The following PCDHGA7 variants were observed in gnomAD, a reference collection of about 807,000 sequenced individuals.
PCDHGA7 encodes the protein protocadherin gamma-A7.
In PCDHGA7, 44 loss-of-function variants were observed where a neutral mutation model predicts 58.3. The observed-to-expected ratio is 0.75, with a 90% CI of 0.59 to 0.97. PCDHGA7 has a LOEUF of 0.97. Among genes scored for constraint, PCDHGA7 ranks in the 50% least tolerant of loss-of-function variants. The pLI, the probability that PCDHGA7 is intolerant of heterozygous loss-of-function variation, is 0.00. For synonymous variants in PCDHGA7, 516 were observed against 504.2 expected (o/e 1.02, Z -0.31); for missense variants, 1,266 against 1,188.7 (o/e 1.06, Z -0.96).
chr5:141,474,321 A>G (rs75620387), intron 1 of PCDHGA7, among the ~76,000 whole-genome samples: 2,046 of 152,326 alleles, frequency 0.013, 15 homozygotes, highest in Middle Eastern at 0.034. Context: ...GTGTTTTCAA[A>G]TCACCCTGAT....
At position 141,489,562 on chromosome 5, in the gene PCDHGA7, G is replaced by A. The variant is rs770734883; in HGVS notation, c.2425-5245G>A. ...CACCAGCTGCCTGCTGCCAGTGCAG[G>A]TGGTGACTGAACACCCCCTGGAGCT... On this transcript the variant is annotated intron_variant, in intron 1 of 3. Coordinates refer to ENST00000518325, the MANE Select transcript of PCDHGA7 (RefSeq NM_018920.4). The surrounding 1 kb of genome is among the most constrained non-coding windows in gnomAD (Gnocchi z 4.5). 2 of 1,614,114 alleles carry A rather than the reference G, an allele frequency of 1.2e-6. No homozygotes were observed. Among genetic ancestry groups the A allele is most frequent in the Non-Finnish European group, 1.7e-6 (2 of 1,180,028 alleles).
chr5:141,433,582 T>TCCCA (rs758953161), intron 1 of PCDHGA7, among the ~76,000 whole-genome samples: 4 of 151,942 alleles, frequency 2.6e-5, no homozygotes, highest in Non-Finnish European at 5.9e-5. Flanking sequence ...ACGCCTGTAA[T>TCCCA]CCCAGTACTT....
chr5:141,439,012 A>G (rs968054607), intron 1 of PCDHGA7, among the ~76,000 whole-genome samples: 4 of 151,916 alleles, frequency 2.6e-5, no homozygotes, highest in South Asian at 2.1e-4. Context: ...TTTGTTTGTC[A>G]AATTTTGAAA....
intron 1 of PCDHGA7, chr5:141,422,369 G>A (rs890803753): frequency 6.4e-7 from 1 of 1,566,400 alleles, no homozygotes; most frequent in Non-Finnish European, 8.6e-7. Flanking sequence ...GGAGAAAATG[G>A]TCAAGTCTCC....
At chr5:141,422,959 C>A in intron 1 of PCDHGA7, 1 of 1,614,234 alleles carries the variant, frequency 6.2e-7, no homozygotes, top group South Asian at 1.1e-5. Context: ...TGGCGTGGAG[C>A]TGGCGCCCCG....
At chr5:141,441,734 G>GAT in intron 1 of PCDHGA7, 1 of 364,808 alleles carries the variant, frequency 2.7e-6, no homozygotes, top group South Asian at 2.2e-5. Context: ...ACCAGGACTA[G>GAT]CTCGCGCTCG....
chr5:141,384,161 C>T lies in PCDHGA7; in HGVS notation c.1262C>T (p.Thr421Ile), dbSNP rs1476096646. The T allele has an allele frequency of 1.2e-6, 2 of 1,613,520 alleles. No individual in the cohort carries two copies. Among genetic ancestry groups the T allele is most frequent in the Non-Finnish European group, 1.7e-6 (2 of 1,179,780 alleles). The change falls in exon 1 of 4, where the codon ACA becomes ATA. Residue 421 changes from threonine (T) to isoleucine (I), a missense_variant. Coordinates refer to ENST00000518325, the MANE Select transcript of PCDHGA7 (RefSeq NM_018920.4). ...DRETLSLYNI[T>I]LKATDGGTPP... is the part of the protein sequence containing the mutation. ...GAAACACTCTCTTTGTATAACATCA[C>T]ACTGAAAGCCACAGATGGTGGAACT...
rs2096779089 is a variant in PCDHGA7, at chr5:141,423,760, G to GA, written c.2424+38437_2424+38438insA. On this transcript the variant is annotated intron_variant, in intron 1 of 3. Transcript: ENST00000518325. ...GTTATGAAAACTGTTTGGGGGGGGG[G>GA]TGGGGCGGCATATATTTAGTTCATA... 1.1e-5 allele frequency: 3 copies of GA among 279,664 alleles called. 1 individual carries two copies. Among genetic ancestry groups the GA allele is most frequent in the African/African-American group, 6.7e-5 (2 of 29,702 alleles). The allele number at this position is 279,664 out of a possible 1,614,324, so 17.3% of individuals were successfully genotyped here.
intron 2 of PCDHGA7, among the ~76,000 whole-genome samples, chr5:141,501,109 C>T (rs909874167): frequency 2.0e-5 from 3 of 152,106 alleles, no homozygotes; most frequent in South Asian, 2.1e-4. Context: ...CCTCGTGATC[C>T]GCCTGCCTCA....
At position 141,489,072 on chromosome 5, in the gene PCDHGA7, A is replaced by AC; in HGVS notation, c.2425-5730dup. The AC allele has an allele frequency of 1.3e-5, 2 of 157,710 alleles. No homozygotes were observed. Among genetic ancestry groups the AC allele is most frequent in the Non-Finnish European group, 1.2e-5 (1 of 83,996 alleles). 9.8% of individuals were successfully genotyped at this position (157,710 alleles called of 1,614,324 possible). A position where few individuals can be genotyped will look rare whatever the true frequency, so the allele number is the denominator to read the frequency against. On this transcript the variant is annotated intron_variant, in intron 1 of 3. Transcript: ENST00000518325. This position sits in a 1 kb window ranked among gnomAD's most constrained non-coding sequence, Gnocchi z 4.5. The stretch of plus-strand genomic sequence containing the variant: ...AATTCAGCTCCCCTCCCCCCTGCCC[A>AC]CCCCCGCCACTCGGTGACTAAGAAC...
intron 1 of PCDHGA7, chr5:141,385,549 C>G (rs2090279237): frequency 7.6e-7 from 1 of 1,316,048 alleles, no homozygotes; most frequent in Non-Finnish European, 9.7e-7. Context: ...TGGACTATCA[C>G]ATTTTATAAT....
At position 141,421,139 on chromosome 5, in the gene PCDHGA7, A is replaced by T. The variant is rs2096548615; in HGVS notation, c.2424+35816A>T. Reference sequence around the variant, plus strand: ...TCCTTCGCTTTCTGATATATTTTGGATGTAGTCGGCCTAGGACTTCATAGA... The same window carrying T: ...TCCTTCGCTTTCTGATATATTTTGGTTGTAGTCGGCCTAGGACTTCATAGA... On this transcript the variant is annotated intron_variant, in intron 1 of 3. Transcript: ENST00000518325. 5 of 913,574 alleles carry T rather than the reference A, an allele frequency of 5.5e-6. No individual in the cohort carries two copies. The South Asian group carries it at 8.8e-5, about 16-fold the overall frequency. 56.6% of individuals were successfully genotyped at this position (913,574 alleles called of 1,614,324 possible). A position where few individuals can be genotyped will look rare whatever the true frequency, so the allele number is the denominator to read the frequency against.
chr5:141,412,827 A>G (rs977931124), intron 1 of PCDHGA7, among the ~76,000 whole-genome samples: 2 of 152,236 alleles, frequency 1.3e-5, no homozygotes, highest in Non-Finnish European at 2.9e-5. Context: ...ATAGTAAATT[A>G]TTTAAAGATA....
intron 1 of PCDHGA7, chr5:141,484,903 G>A: frequency 2.5e-6 from 1 of 407,434 alleles, no homozygotes; most frequent in Non-Finnish European, 4.4e-6. Context: ...CTCCAATGCT[G>A]CGACGCATTA....
chr5:141,408,773 T>C, intron 1 of PCDHGA7: 1 of 1,611,652 alleles, frequency 6.2e-7, no homozygotes, highest in Non-Finnish European at 8.5e-7. Flanking sequence ...TGGTGGCAAA[T>C]ACCCAGAGTT....
chr5:141,413,555 T>C (rs1270604020), intron 1 of PCDHGA7: 1 of 1,613,852 alleles, frequency 6.2e-7, no homozygotes. Flanking sequence ...GAAATAGAAG[T>C]AACTGATATC....
intron 1 of PCDHGA7, chr5:141,394,379 T>G: frequency 6.2e-7 from 1 of 1,614,160 alleles, no homozygotes; most frequent in Non-Finnish European, 8.5e-7. Context: ...CTTTCGACTA[T>G]GAGCAGATCC....
chr5:141,482,645 G>A (rs1267966412), intron 1 of PCDHGA7, among the ~76,000 whole-genome samples: 1 of 152,120 alleles, frequency 6.6e-6, no homozygotes, highest in Admixed American at 6.5e-5. Context: ...TAGAGGTGGT[G>A]ATGCTTGAGC....
At chr5:141,504,303 G>A (rs1157625808) in intron 2 of PCDHGA7, among the ~76,000 whole-genome samples, 4 of 151,938 alleles carry the variant, frequency 2.6e-5, no homozygotes, top group Admixed American at 2.6e-4. Context: ...TTCAACACTC[G>A]GAGTTTCTAA....
Sources: allele counts gnomAD v4.1 joint callset (sites outside exome capture counted in the v4.1 genomes callset), GRCh38; gene constraint gnomAD v4.1.1; non-coding constraint Gnocchi (gnomAD v3.1); transcripts MANE v1.5; gene names NCBI Gene and HGNC (gene_info 2026-07-23, HGNC 2026-07-21).